MUC4: variants seen among roughly 807,000 people sequenced by gnomAD.
MUC4 encodes mucin 4, cell surface associated, also known as mucin-4.
A neutral mutation model predicts 257.9 loss-of-function variants in MUC4; 202 were observed. The observed-to-expected ratio is 0.78, with a 90% CI of 0.70 to 0.88. The LOEUF is 0.88. MUC4 is among the 40% of genes least tolerant of loss of function. The pLI is 0.00. For synonymous variants in MUC4, 2,351 were observed against 2,757.1 expected, an observed-to-expected ratio of 0.85 and a Z score of 4.62; for missense variants, 5,976 against 6,513.7, an observed-to-expected ratio of 0.92 and a Z score of 2.84.
intron 3 of MUC4, among the ~76,000 whole-genome samples, chr3:195,776,446 CA>C (rs1423892790): frequency 2.3e-4 from 8 of 34,506 alleles, no homozygotes; most frequent in Admixed American, 3.7e-4. Flanking sequence ...CTTCCGCACC[CA>C]TACCTTCCGC....
At chr3:195,750,044 G>C (rs534248496) in intron 23 of MUC4, 9 of 152,380 alleles carry the variant, frequency 5.9e-5, no homozygotes, top group Admixed American at 5.9e-4. Context: ...CTCCGGGAGA[G>C]AGCGGGCTTA....
At position 195,790,868 on chromosome 3, in the gene MUC4, T is replaced by G; in HGVS notation, c.712A>C (p.Lys238Gln). ...GCTGTTTCACCTGAAGGAGATGTCT[T>G]CTGAGAAACAGTCCCTGTCACATTG... ...VHNVTGTVSQKTSPSGETATS... is the reference protein window; with the variant it reads ...VHNVTGTVSQQTSPSGETATS... Residue 238 changes from lysine to glutamine, a missense_variant, in exon 2 of 25, where the codon AAG becomes CAG. Transcript: ENST00000463781. 6.2e-7 allele frequency: 1 copy of G among 1,613,926 alleles called. No individual in the cohort carries two copies. The highest frequency in any genetic ancestry group is 1.1e-5 in the South Asian group (1 of 91,078).
chr3:195,782,257 G>A lies in MUC4; in HGVS notation c.9323C>T (p.Thr3108Ile). The A allele has an allele frequency of 6.5e-7, 1 of 1,532,858 alleles. No individual in the cohort carries two copies. Among genetic ancestry groups the A allele is most frequent in the African/African-American group, 1.4e-5 (1 of 70,186 alleles). The allele number at this position is 1,532,858 out of a possible 1,614,324, so 95.0% of individuals were successfully genotyped here. ...ACCTGTGGATGCTGAGGAAGGGCTA[G>A]TGACAGGAAGAGGCGTGGTGTCACC... is the stretch of plus-strand genomic sequence containing the variant. Reference protein sequence around the residue: ...STGDTTPLPVTSPSSASTGHT... With the variant: ...STGDTTPLPVISPSSASTGHT... The change falls in exon 2 of 25, where the codon ACT becomes ATT. Residue 3108 changes from threonine (T) to isoleucine (I), a missense_variant. Thr to Ile is a moderately conservative substitution (Grantham distance 89). Around this residue, in one of 44 missense-constraint regions of MUC4, gnomAD observed 128 missense variants for 104.8 expected, o/e 1.22. Transcript: ENST00000463781.
Position 195,765,395 on chromosome 3 carries a change from C to G in MUC4, c.13673G>C (p.Arg4558Pro). 5.0e-6 allele frequency: 8 copies of G among 1,613,568 alleles called. No homozygotes were observed. The highest frequency in any genetic ancestry group is 6.8e-6 in the Non-Finnish European group (8 of 1,180,016). The change falls in exon 9 of 25, where the codon CGT becomes CCT. Residue 4558 changes from arginine (R) to proline (P), a missense_variant. This residue lies in a region of MUC4 where 996 missense variants were observed against 1,137.3 expected (regional missense o/e 0.88). Coordinates refer to ENST00000463781, the MANE Select transcript of MUC4 (RefSeq NM_018406.7). ...RLHREERPNY[R>P]LECLQWLKSQ... is the part of the protein sequence containing the mutation. ...CTTCAGCCACTGCAGGCACTCGAGA[C>G]GGTAGTTGGGCCTTTCTTCCCGGTG...
rs1212897567 is a variant in MUC4, at chr3:195,786,731, G to A, written c.4849C>T (p.Leu1617Phe). 6.6e-7 allele frequency: 1 copy of A among 1,518,802 alleles called. No homozygotes were observed. Among genetic ancestry groups the A allele is most frequent in the Non-Finnish European group, 8.9e-7 (1 of 1,129,334 alleles). The allele number at this position is 1,518,802 out of a possible 1,614,324, so 94.1% of individuals were successfully genotyped here. The change falls in exon 2 of 25, where the codon CTT becomes TTT. Residue 1617 changes from leucine (L) to phenylalanine (F), a missense_variant. Physicochemically the swap from Leu to Phe is conservative, Grantham distance 22 (BLOSUM62 0). Coordinates refer to ENST00000463781, the MANE Select transcript of MUC4 (RefSeq NM_018406.7). ...GCTGAGGAAGTGTCGGTGACAGGAA[G>A]AGGGGTGGTGTGACCTGTAGATGCT... is the stretch of plus-strand genomic sequence containing the variant. Reference protein sequence around the residue: ...SSASTGHTTPLPVTDTSSAST... With the variant: ...SSASTGHTTPFPVTDTSSAST...
chr3:195,758,791 G>A (rs975517327), intron 17 of MUC4, among the ~76,000 whole-genome samples: 14 of 147,662 alleles, frequency 9.5e-5, no homozygotes, highest in African/African-American at 3.5e-4. Flanking sequence ...GACTGGTCTC[G>A]AACTCCTGAC....
chr3:195,808,384 T>A (rs1206632030), intron 1 of MUC4, among the ~76,000 whole-genome samples: 1 of 151,984 alleles, frequency 6.6e-6, no homozygotes, highest in Non-Finnish European at 1.5e-5. Flanking sequence ...CCCGGCAAAA[T>A]TTTTTATTTT....
Position 195,780,692 on chromosome 3 carries a change from C to T in MUC4, c.10888G>A (p.Ala3630Thr), listed in dbSNP as rs1553871880. 2.0e-6 allele frequency: 3 copies of T among 1,506,412 alleles called. No individual in the cohort carries two copies. Among genetic ancestry groups the T allele is most frequent in the Non-Finnish European group, 2.6e-6 (3 of 1,139,936 alleles). The allele number at this position is 1,506,412 out of a possible 1,614,324, so 93.3% of individuals were successfully genotyped here. A position where few individuals can be genotyped will look rare whatever the true frequency, so the allele number is the denominator to read the frequency against. Residue 3630 changes from alanine (A) to threonine (T), a missense_variant, in exon 2 of 25, where the codon GCC (alanine) becomes ACC (threonine). Around this residue, in one of 44 missense-constraint regions of MUC4, gnomAD observed 59 missense variants for 149.8 expected, o/e 0.39. Coordinates refer to ENST00000463781, the MANE Select transcript of MUC4 (RefSeq NM_018406.7). ...TDTSSASTGQATPLPVTSLSS... is the reference protein window; with the variant it reads ...TDTSSASTGQTTPLPVTSLSS... ...AGGCTGGTGACAGGAAGAGGGGTGG[C>T]CTGACCTGTGGATGCTGAGGAAGTG...
Position 195,763,518 on chromosome 3 carries a change from C to T in MUC4, c.14168G>A (p.Arg4723His), listed in dbSNP as rs754224224. 3 of 1,565,130 alleles carry T rather than the reference C, an allele frequency of 1.9e-6. No individual in the cohort carries two copies. The highest frequency in any genetic ancestry group is 1.7e-6 in the Non-Finnish European group (2 of 1,153,904). Residue 4723 changes from arginine to histidine, a missense_variant, in exon 12 of 25, where the codon CGC (arginine) becomes CAC (histidine). Arg to His is a conservative substitution (Grantham distance 29). This residue lies in a region of MUC4 where 996 missense variants were observed against 1,137.3 expected (regional missense o/e 0.88). Transcript: ENST00000463781. ...CTGGGCTGAGCCAGTCTGGGCGGTGCGGCCCTGAAGCAGGAAGGAGGAGTT... is the reference window on the plus strand; with the variant it reads ...CTGGGCTGAGCCAGTCTGGGCGGTGTGGCCCTGAAGCAGGAAGGAGGAGTT... ...DGNSSFLLQG[R>H]TAQTGSAQAT...
chr3:195,751,086 CT>C lies in MUC4; in HGVS notation c.15673del (p.Ser5225AlafsTer24). 1.3e-6 allele frequency: 2 copies of C among 1,563,974 alleles called. No individual in the cohort carries two copies. Among genetic ancestry groups the C allele is most frequent in the Non-Finnish European group, 1.7e-6 (2 of 1,152,386 alleles). On this transcript the variant is annotated frameshift_variant, in exon 23 of 25. Transcript: ENST00000463781. LOFTEE classifies it high-confidence loss of function. ...RIDSAAPASG[S>X]PIQHWMVISE... is the part of the protein sequence containing the mutation. ...GATGACCATCCAGTGTTGGATGGGG[CT>C]TCCCGAGGCCGGTGCTGCAGAATCG...
At chr3:195,772,153 C>A (rs1189137852) in intron 4 of MUC4, among the ~76,000 whole-genome samples, 1 of 152,068 alleles carries the variant, frequency 6.6e-6, no homozygotes, top group Non-Finnish European at 1.5e-5. Flanking sequence ...TTAGGTGGGG[C>A]TCAGGGAGTG....
chr3:195,803,941 A>G (rs993364795), intron 1 of MUC4, among the ~76,000 whole-genome samples: 6 of 152,040 alleles, frequency 3.9e-5, no homozygotes, highest in African/African-American at 1.4e-4. Context: ...ACGCTGTGAC[A>G]CTGGGGTGTT....
intron 7 of MUC4, among the ~76,000 whole-genome samples, chr3:195,767,913 T>TGC: frequency 9.1e-6 from 1 of 110,400 alleles, no homozygotes; most frequent in African/African-American, 3.9e-5. Context: ...ACCATCACCA[T>TGC]CGCCACTGCC....
intron 24 of MUC4, 125 bp downstream of exon 24, chr3:195,748,777 C>T: frequency 7.8e-7 from 1 of 1,282,830 alleles, no homozygotes; most frequent in Non-Finnish European, 1.0e-6. Flanking sequence ...TCTCCTTTTC[C>T]ACTGTCCTCT....
In MUC4 at chr3:195,757,876, G is replaced by T. The variant is rs1411385445; in HGVS notation, c.14987-548C>A. Among the ~76,000 whole-genome samples the T allele has an allele frequency of 2.0e-5, 3 of 152,186 alleles. No individual in the cohort carries two copies. Among genetic ancestry groups the T allele is most frequent in the Non-Finnish European group, 4.4e-5 (3 of 68,038 alleles). ...ATAGGAAAGTCTCCTTAAAACAGCA[G>T]ATTGAAAGGAAGTGACAGAGAATAG... On this transcript the variant is annotated intron_variant, in intron 17 of 24. Transcript: ENST00000463781. This position sits in a 1 kb window ranked among gnomAD's most constrained non-coding sequence, Gnocchi z 4.8.
intron 16 of MUC4, among the ~76,000 whole-genome samples, chr3:195,759,531 C>T (rs1452990631): frequency 6.6e-6 from 1 of 152,098 alleles, no homozygotes; most frequent in Non-Finnish European, 1.5e-5. Context: ...CAGTGCTATG[C>T]TGGGTATGAC....
chr3:195,748,259 C>G (rs1715542094), intron 24 of MUC4, among the ~76,000 whole-genome samples: 1 of 152,246 alleles, frequency 6.6e-6, no homozygotes, highest in Admixed American at 6.5e-5. Flanking sequence ...GCAGCCAGAT[C>G]AGGTGGGAGG....
At chr3:195,762,352 CT>C (rs1401554658) in intron 13 of MUC4, 98 bp from the exon 14 acceptor site, 1 of 1,335,360 alleles carries the variant, frequency 7.5e-7, no homozygotes, top group Non-Finnish European at 1.0e-6. Flanking sequence ...CACCCCGCCC[CT>C]GGGGCTGAAG....
At chr3:195,767,594 CCACCATCATCACCATTGCCACCACCAT>C in intron 7 of MUC4, among the ~76,000 whole-genome samples, 1 of 111,780 alleles carries the variant, frequency 8.9e-6, no homozygotes, top group African/African-American at 4.1e-5. Flanking sequence ...ATCACCACCA[CCACCATCATCACCATTGCCACCACCAT>C]CACCACCATC....
Sources: allele counts gnomAD v4.1 joint callset (sites outside exome capture counted in the v4.1 genomes callset), GRCh38; gene constraint gnomAD v4.1.1; regional missense constraint gnomAD v4.1.1; non-coding constraint Gnocchi (gnomAD v3.1); transcripts MANE v1.5; gene names NCBI Gene and HGNC (gene_info 2026-07-23, HGNC 2026-07-21).